Variants in TENT4B observed in about 807,000 individuals in gnomAD.
TENT4B encodes the protein terminal nucleotidyltransferase 4B.
TENT4B carries 10 observed loss-of-function variants against 75.0 expected under a neutral mutation model. The observed-to-expected ratio is 0.13, with a 90% confidence interval of 0.08 to 0.23. The LOEUF is 0.23. TENT4B is among the 10% of genes least tolerant of loss of function. The probability of loss-of-function intolerance (pLI) is 1.00; values close to 1 mark genes in which losing one functional copy is unlikely to be tolerated. For synonymous variants in TENT4B, 350 were observed against 357.7 expected, an observed-to-expected ratio of 0.98 and a Z score of 0.24; for missense variants, 579 against 893.8, an observed-to-expected ratio of 0.65 and a Z score of 4.49.
intron 1 of TENT4B, among the ~76,000 whole-genome samples, chr16:50,185,882 T>C (rs1567491080): frequency 6.6e-6 from 1 of 152,182 alleles, no homozygotes; most frequent in African/African-American, 2.4e-5. Flanking sequence ...TATGCTCTCA[T>C]CTATGTTTAC....
intron 1 of TENT4B, among the ~76,000 whole-genome samples, chr16:50,174,238 C>T (rs2038260187): frequency 6.6e-6 from 1 of 152,042 alleles, no homozygotes; most frequent in Non-Finnish European, 1.5e-5. Context: ...GCTGGGATTA[C>T]AAGCATGTGC....
intron 1 of TENT4B, among the ~76,000 whole-genome samples, chr16:50,159,769 C>T (rs74333212): frequency 0.016 from 2,449 of 152,176 alleles, 54 homozygotes; most frequent in African/African-American, 0.056. Flanking sequence ...TACTGACATG[C>T]GCTTTTAAGA....
At chr16:50,166,749 G>T (rs541389502) in intron 1 of TENT4B, among the ~76,000 whole-genome samples, 1 of 150,226 alleles carries the variant, frequency 6.7e-6, no homozygotes, top group East Asian at 2.0e-4. Context: ...CCACAGCTGG[G>T]ACCACAGGCG....
chr16:50,168,966 A>G (rs12599953), intron 1 of TENT4B, among the ~76,000 whole-genome samples: 92,204 of 152,016 alleles, frequency 0.61, 29,985 homozygotes, highest in Non-Finnish European at 0.7. Flanking sequence ...AATTTCATAT[A>G]AATAGTTCTT....
Position 50,154,178 on chromosome 16 carries a change from G to A in TENT4B, c.557G>A (p.Gly186Glu), listed in dbSNP as rs559637210. 2.0e-6 allele frequency: 3 copies of A among 1,510,016 alleles called. No homozygotes were observed. In the African/African-American group the frequency reaches 4.2e-5, roughly 21 times the overall value. 93.5% of individuals were successfully genotyped at this position (1,510,016 alleles called of 1,614,324 possible). A position where few individuals can be genotyped will look rare whatever the true frequency, so the allele number is the denominator to read the frequency against. ...CAGCCCAGCGGAGGGCGGGCCGCGG[G>A]GGGCGGCCGAGCAGACGGCGGCGGG... is the stretch of plus-strand genomic sequence containing the variant. The part of the protein sequence containing the change: ...LLQPSGGRAA[G>E]GGRADGGGVV... Residue 186 changes from glycine (G) to glutamate (E), a missense_variant, in exon 1 of 12, where the codon GGG (glycine) becomes GAG (glutamate). Physicochemically the swap from Gly to Glu is moderately conservative, Grantham distance 98 (BLOSUM62 -2). Transcript: ENST00000561678.
chr16:50,161,134 T>G (rs1346320422), intron 1 of TENT4B, among the ~76,000 whole-genome samples: 2 of 152,214 alleles, frequency 1.3e-5, no homozygotes, highest in South Asian at 4.1e-4. Context: ...CCAAAAAGGC[T>G]TTGAGTTTGT....
chr16:50,211,454 C>T lies in TENT4B; in HGVS notation c.762+8C>T, dbSNP rs758367682. The T allele has an allele frequency of 1.9e-6, 3 of 1,566,708 alleles. No individual in the cohort carries two copies. In the South Asian group the frequency reaches 3.7e-5, roughly 19 times the overall value. On this transcript the variant is annotated splice_region_variant and intron_variant, in intron 2 of 11. Coordinates refer to ENST00000561678, the MANE Select transcript of TENT4B (RefSeq NM_001365324.3). Reference sequence around the variant, plus strand: ...CTCTGGCCCAGCGCTGACGTGAGTCCCTTCCTGGGTAGCTTATGCTTCGGA... The same window carrying T: ...CTCTGGCCCAGCGCTGACGTGAGTCTCTTCCTGGGTAGCTTATGCTTCGGA...
chr16:50,193,218 C>G (rs1054881688), intron 1 of TENT4B, among the ~76,000 whole-genome samples: 1 of 151,836 alleles, frequency 6.6e-6, no homozygotes, highest in Non-Finnish European at 1.5e-5. Flanking sequence ...CAGATACTTG[C>G]ATTCTTTTAG....
At chr16:50,218,484 G>T (rs1041586501) in intron 5 of TENT4B, among the ~76,000 whole-genome samples, 1 of 151,866 alleles carries the variant, frequency 6.6e-6, no homozygotes, top group Non-Finnish European at 1.5e-5. Flanking sequence ...CTCGTGCCTG[G>T]GACGAGTACC....
At chr16:50,219,369 G>A (rs544578018) in intron 5 of TENT4B, among the ~76,000 whole-genome samples, 1 of 152,092 alleles carries the variant, frequency 6.6e-6, no homozygotes, top group Non-Finnish European at 1.5e-5. Context: ...TGTTTTGGAG[G>A]TTTCTTCCAT....
chr16:50,188,108 G>GA (rs1194535281), intron 1 of TENT4B, among the ~76,000 whole-genome samples: 21 of 152,286 alleles, frequency 1.4e-4, no homozygotes, highest in African/African-American at 4.3e-4. Context: ...ACAAGTTAAA[G>GA]ACAGATAAAA....
At chr16:50,218,541 A>G (rs2031680182) in intron 5 of TENT4B, among the ~76,000 whole-genome samples, 1 of 151,496 alleles carries the variant, frequency 6.6e-6, no homozygotes, top group Non-Finnish European at 1.5e-5. Flanking sequence ...TTTATTAGAG[A>G]TGGGGTTTCA....
At chr16:50,203,257 T>A (rs1348864967) in intron 1 of TENT4B, among the ~76,000 whole-genome samples, 1 of 152,256 alleles carries the variant, frequency 6.6e-6, no homozygotes, top group Non-Finnish European at 1.5e-5. Flanking sequence ...CTCTCTTGTT[T>A]TTTTTAAATC....
intron 1 of TENT4B, among the ~76,000 whole-genome samples, chr16:50,155,268 CGTGGGT>C (rs964942025): frequency 6.3e-4 from 19 of 30,150 alleles, no homozygotes; most frequent in Non-Finnish European, 1.1e-3. Flanking sequence ...TTTTGGGTCT[CGTGGGT>C]GTGTGTGTGT....
rs2037813323 is a variant in TENT4B, at chr16:50,153,466, C to T, written c.-156C>T. 1.0e-6 allele frequency: 1 copy of T among 968,494 alleles called. No individual in the cohort carries two copies. The highest frequency in any genetic ancestry group is 1.8e-5 in the African/African-American group (1 of 56,324). The allele number at this position is 968,494 out of a possible 1,614,324, so 60.0% of individuals were successfully genotyped here. On this transcript the variant is annotated 5_prime_UTR_variant, in exon 1 of 12. Coordinates refer to ENST00000561678, the MANE Select transcript of TENT4B (RefSeq NM_001365324.3). The stretch of plus-strand genomic sequence containing the variant: ...GCGCCGGCCGGGCTCCCTGCGCGAC[C>T]GCGCCGCCCGCGGCGGGCCCCGAGC...
chr16:50,212,114 G>A (rs2031311582), intron 2 of TENT4B, among the ~76,000 whole-genome samples: 1 of 152,174 alleles, frequency 6.6e-6, no homozygotes, highest in Non-Finnish European at 1.5e-5. Flanking sequence ...AGGCTGGAGT[G>A]CAATAGTGCG....
upstream of TENT4B, chr16:50,152,921 A>G: frequency 2.0e-6 from 3 of 1,477,848 alleles, no homozygotes; most frequent in Admixed American, 2.2e-5. Flanking sequence ...ACCTCCCACA[A>G]CGCGCTCCCT....
chr16:50,201,849 A>G (rs1393043339), intron 1 of TENT4B, among the ~76,000 whole-genome samples: 1 of 135,154 alleles, frequency 7.4e-6, no homozygotes, highest in Non-Finnish European at 1.6e-5. Context: ...AAAAAAAAAA[A>G]GCGGGCTGGA....
At chr16:50,184,511 C>CA (rs1212315377) in intron 1 of TENT4B, among the ~76,000 whole-genome samples, 1 of 151,766 alleles carries the variant, frequency 6.6e-6, no homozygotes, top group Non-Finnish European at 1.5e-5. Context: ...TACTAAAAAA[C>CA]AAAAAATTAG....
Sources: gnomAD v4.1 joint callset for allele counts (sites outside exome capture counted in the v4.1 genomes callset) on GRCh38, gnomAD v4.1.1 for gene constraint, MANE v1.5 for transcripts, NCBI Gene and HGNC (gene_info 2026-07-23, HGNC 2026-07-21) for gene names.